The following C19orf47 variants were observed in gnomAD, a reference collection of about 807,000 sequenced individuals.
C19orf47 encodes the protein chromosome 19 open reading frame 47, also known as uncharacterized protein C19orf47.
C19orf47 carries 18 observed loss-of-function variants against 32.3 expected under a neutral mutation model. That is an observed-to-expected ratio of 0.56 (90% CI 0.39 to 0.83). The LOEUF (loss-of-function observed/expected upper bound fraction) is 0.83, where lower values mean the gene tolerates loss of function less well. Ranked by LOEUF, C19orf47 falls within the 40% of genes least tolerant of loss-of-function variation. The pLI, the probability that C19orf47 is intolerant of heterozygous loss-of-function variation, is 0.00. For synonymous variants in C19orf47, 202 were observed against 211.1 expected (o/e 0.96, Z 0.37); for missense variants, 484 against 531.6 (o/e 0.91, Z 0.88).
chr19:40,332,342 G>A (rs908985038), intron 5 of C19orf47, among the ~76,000 whole-genome samples: 3 of 150,164 alleles, frequency 2.0e-5, no homozygotes, highest in Non-Finnish European at 4.4e-5. Flanking sequence ...GCAACACAGC[G>A]AGACTATCTC....
At chr19:40,330,839 A>G (rs2077937847) in intron 5 of C19orf47, among the ~76,000 whole-genome samples, 2 of 152,140 alleles carry the variant, frequency 1.3e-5, no homozygotes, top group African/African-American at 4.8e-5. Context: ...TTTCATTTAT[A>G]AAGATTTGAA....
At chr19:40,328,696 G>A (rs948132423) in intron 5 of C19orf47, 146 bp from the exon 6 acceptor site, 18 of 1,118,898 alleles carry the variant, frequency 1.6e-5, no homozygotes, top group African/African-American at 1.6e-4. Flanking sequence ...CATGGTACTC[G>A]TGATGGGGAT....
the C19orf47 span, among the ~76,000 whole-genome samples, chr19:40,310,358 A>G: frequency 6.6e-6 from 1 of 152,212 alleles, no homozygotes; most frequent in Non-Finnish European, 1.5e-5. Context: ...GCTGGAGTGC[A>G]GTGGCATGAT....
At chr19:40,323,956 G>A (rs2077774103) in intron 8 of C19orf47, 50 bp downstream of exon 8, 1 of 1,605,586 alleles carries the variant, frequency 6.2e-7, no homozygotes, top group African/African-American at 1.3e-5. Context: ...GCACCGCTCA[G>A]GGAAGACAAC....
Position 40,322,311 on chromosome 19 carries a change from G to T in C19orf47, c.729C>A (p.Ser243Arg), listed in dbSNP as rs148302304. 5 of 1,607,606 alleles carry T rather than the reference G, an allele frequency of 3.1e-6. No individual in the cohort carries two copies. The highest frequency in any genetic ancestry group is 3.4e-6 in the Non-Finnish European group (4 of 1,178,278). ...PETDEDLAWDSDNDSSSSVLQ... is the reference protein window; with the variant it reads ...PETDEDLAWDRDNDSSSSVLQ... ...AGACAGAGCTGCTGCTGTCATTGTC[G>T]CTGTCCCAAGCCAGATCCTCGTCCG... The change falls in exon 9 of 9, where the codon AGC (serine) becomes AGA (arginine). Residue 243 changes from serine (S) to arginine (R), a missense_variant. By Grantham distance (110) the Ser-to-Arg change is moderately radical (BLOSUM62 -1). Coordinates refer to ENST00000683109, the MANE Select transcript of C19orf47 (RefSeq NM_001256441.2).
At chr19:40,345,355 T>C (rs1044720896) in intron 1 of C19orf47, among the ~76,000 whole-genome samples, 2 of 151,980 alleles carry the variant, frequency 1.3e-5, no homozygotes, top group African/African-American at 4.8e-5. Context: ...TAATCCTGAC[T>C]CTGGACAAGT....
chr19:40,331,594 C>T (rs931628222), intron 5 of C19orf47, among the ~76,000 whole-genome samples: 1 of 150,864 alleles, frequency 6.6e-6, no homozygotes, highest in Non-Finnish European at 1.5e-5. Context: ...GCTATGACTG[C>T]ACCACTACAC....
the C19orf47 span, among the ~76,000 whole-genome samples, chr19:40,310,884 A>G: frequency 6.6e-6 from 1 of 152,202 alleles, no homozygotes; most frequent in Non-Finnish European, 1.5e-5. Context: ...TTAAAATAAG[A>G]GATGCCCAAA....
the C19orf47 span, among the ~76,000 whole-genome samples, chr19:40,311,003 C>T: frequency 1.3e-5 from 2 of 152,060 alleles, no homozygotes; most frequent in African/African-American, 4.8e-5. Context: ...TTTGGAAGGC[C>T]GAGGTGAGCG....
the C19orf47 span, among the ~76,000 whole-genome samples, chr19:40,300,866 A>T: frequency 6.6e-6 from 1 of 152,098 alleles, no homozygotes; most frequent in Non-Finnish European, 1.5e-5. Flanking sequence ...AAAACTGCTG[A>T]CTCGACTAGG....
rs566385214 is a variant in C19orf47 at position 40,341,727 on chromosome 19, T to C, written c.19+112A>G. 4.0e-3 allele frequency: 5,811 copies of C among 1,463,240 alleles called. 12 individuals are homozygous for C. Among genetic ancestry groups the C allele is most frequent in the Non-Finnish European group, 4.7e-3 (5,070 of 1,090,186 alleles). 90.6% of individuals were successfully genotyped at this position (1,463,240 alleles called of 1,614,324 possible). ...TGCCACGGTCCTCAGAGTACAGCTGTTCCTGCCAGTGACCCAGTCCTCCCT... is the reference window on the plus strand; with the variant it reads ...TGCCACGGTCCTCAGAGTACAGCTGCTCCTGCCAGTGACCCAGTCCTCCCT... On this transcript the variant is annotated intron_variant, in intron 2 of 8. Transcript: ENST00000683109.
chr19:40,347,424 C>A (rs1245897168), intron 1 of C19orf47, among the ~76,000 whole-genome samples: 1 of 151,874 alleles, frequency 6.6e-6, no homozygotes, highest in African/African-American at 2.4e-5. Context: ...CCCAGCTACT[C>A]GGAAGGTTGA....
chr19:40,331,818 CCTA>C (rs2145565828), intron 5 of C19orf47, among the ~76,000 whole-genome samples: 1 of 152,222 alleles, frequency 6.6e-6, no homozygotes, highest in South Asian at 2.1e-4. Context: ...GGGTGGATCA[CCTA>C]CAGTCAGGAG....
chr19:40,336,965 A>G (rs907232944), intron 2 of C19orf47, among the ~76,000 whole-genome samples: 35 of 152,270 alleles, frequency 2.3e-4, no homozygotes, highest in African/African-American at 8.4e-4. Context: ...TGGGCTTCGG[A>G]GCTTGGGTTT....
intron 7 of C19orf47, 22 bp downstream of exon 7, chr19:40,326,312 C>A: frequency 6.2e-7 from 1 of 1,613,568 alleles, no homozygotes; most frequent in Non-Finnish European, 8.5e-7. Context: ...CGCAGGGAAG[C>A]ATGCCCCTGA....
chr19:40,326,570 T>C (rs1352331454), intron 6 of C19orf47, 84 bp from the exon 7 acceptor site: 2 of 1,470,996 alleles, frequency 1.4e-6, no homozygotes, highest in East Asian at 4.7e-5. Flanking sequence ...GTGTCCTTTA[T>C]CTCCACACAT....
chr19:40,346,162 A>G (rs994795070), intron 1 of C19orf47, among the ~76,000 whole-genome samples: 10 of 149,794 alleles, frequency 6.7e-5, no homozygotes, highest in Middle Eastern at 3.5e-3. Flanking sequence ...TCTCAAAAAA[A>G]AAAAAAAAAG....
the C19orf47 span, among the ~76,000 whole-genome samples, chr19:40,303,749 A>T: frequency 7.0e-6 from 1 of 143,830 alleles, no homozygotes; most frequent in Non-Finnish European, 1.5e-5. Flanking sequence ...GGTTGCAATG[A>T]GCCGAGATCG....
intron 4 of C19orf47, 139 bp downstream of exon 4, chr19:40,335,971 G>A (rs1286237481): frequency 2.9e-6 from 2 of 696,448 alleles, no homozygotes; most frequent in Non-Finnish European, 4.9e-6. Context: ...AATGTGCCCA[G>A]CGTCACACAG....
Sources: allele counts gnomAD v4.1 joint callset (sites outside exome capture counted in the v4.1 genomes callset), GRCh38; gene constraint gnomAD v4.1.1; transcripts MANE v1.5; gene names NCBI Gene and HGNC (gene_info 2026-07-23, HGNC 2026-07-21).